Variants in IL22 observed in about 807,000 individuals in gnomAD.
IL22 encodes interleukin 22.
In IL22, 15 loss-of-function variants were observed where a neutral mutation model predicts 15.5. The ratio of observed to expected loss-of-function variants is 0.97; its 90% CI spans 0.65 to 1.49. IL22 has a LOEUF of 1.49. Ranked by LOEUF, IL22 falls within the 40% of genes most tolerant of loss-of-function variation. The pLI, the probability that IL22 is intolerant of heterozygous loss-of-function variation, is 0.00. For missense variants in IL22, 225 were observed against 215.4 expected, an observed-to-expected ratio of 1.04 and a Z score of -0.28; for synonymous variants, 91 against 82.0, an observed-to-expected ratio of 1.11 and a Z score of -0.60.
Position 68,252,736 on chromosome 12 carries a change from G to A in IL22, c.252+28C>T, listed in dbSNP as rs528641020. On this transcript the variant is annotated intron_variant, in intron 3 of 5. Transcript: ENST00000538666. ...CCCCAAGTACCCATGGACGGCACACGGCCCTGTTCGTCACAACTGTAGCTT... is the reference window on the plus strand; with the variant it reads ...CCCCAAGTACCCATGGACGGCACACAGCCCTGTTCGTCACAACTGTAGCTT... The A allele has an allele frequency of 8.7e-6, 14 of 1,611,698 alleles. No homozygotes were observed. In the East Asian group the frequency reaches 2.5e-4, roughly 28 times the overall value.
chr12:68,249,298 C>T (rs1186067920), intron 5 of IL22, among the ~76,000 whole-genome samples: 1 of 152,162 alleles, frequency 6.6e-6, no homozygotes, highest in Admixed American at 6.5e-5. Flanking sequence ...GCCCACAGGC[C>T]GCACATGGCC....
In IL22 at chr12:68,248,837, C is replaced by T. The variant is rs1869825380; in HGVS notation, c.502G>A (p.Asp168Asn). The change falls in exon 6 of 6, where the codon GAT (aspartate) becomes AAT (asparagine). Residue 168 changes from aspartate (D) to asparagine (N), a missense_variant. Transcript: ENST00000538666. ...SGEIKAIGEL[D>N]LLFMSLRNAC... ...TTTCTCAGAGACATAAACAGCAAAT[C>T]CAGTTCTCCAATTGCTTTGATCTCT... 1 of 1,613,222 alleles carries T rather than the reference C, an allele frequency of 6.2e-7. No homozygotes were observed.
Position 68,253,580 on chromosome 12 carries a change from T to G in IL22, c.-47+3A>C. 1.6e-6 allele frequency: 1 copy of G among 628,320 alleles called. No individual in the cohort carries two copies. The highest frequency in any genetic ancestry group is 2.7e-5 in the South Asian group (1 of 36,466). The allele number at this position is 628,320 out of a possible 1,614,324, so 38.9% of individuals were successfully genotyped here. On this transcript the variant is annotated splice_donor_region_variant and intron_variant, in intron 1 of 5. Transcript: ENST00000538666. ...ATTGTACCAAGTTTGCCGAAACGCT[T>G]ACCTGTTCTGAAGATTCTGCTTGTG...
At position 68,248,736 on chromosome 12, in the gene IL22, C is replaced by A; in HGVS notation, c.*63G>T. 7.5e-7 allele frequency: 1 copy of A among 1,328,350 alleles called. No individual in the cohort carries two copies. The highest frequency in any genetic ancestry group is 1.1e-6 in the Non-Finnish European group (1 of 936,400). 82.3% of individuals were successfully genotyped at this position (1,328,350 alleles called of 1,614,324 possible). ...TTGGTTAAAAAAAATCGCTTTGGGG[C>A]ATCTAATTGTTATTTCTAGCAGGGA... On this transcript the variant is annotated 3_prime_UTR_variant, in exon 6 of 6. Transcript: ENST00000538666.
rs2227494 is a variant in IL22 at position 68,251,405 on chromosome 12, A to G, written c.462+108T>C. ...ACACCAAAGTAATCGCCCTGGTGGT[A>G]GGAGAATCAAGTGAAAAATCACAAA... On this transcript the variant is annotated intron_variant, in intron 5 of 5. Coordinates refer to ENST00000538666, the MANE Select transcript of IL22 (RefSeq NM_020525.5). The G allele has an allele frequency of 5.5e-4, 444 of 802,742 alleles. 2 individuals are homozygous for G. The African/African-American group carries it at 7.1e-3, about 13-fold the overall frequency. 49.7% of individuals were successfully genotyped at this position (802,742 alleles called of 1,614,324 possible).
intron 2 of IL22, 60 bp downstream of exon 2, chr12:68,253,203 T>A (rs1870000984): frequency 3.5e-6 from 5 of 1,439,698 alleles, no homozygotes; most frequent in Non-Finnish European, 4.8e-6. Flanking sequence ...GAAGAAAAGT[T>A]TAAGAACTAT....
rs1869935282 is a variant in IL22, at chr12:68,251,626, T to C, written c.397-48A>G. ...ACTATCTTAATGTTGTGCTGAAACT[T>C]TATGAACCTCCACACCCATGGAGGT... On this transcript the variant is annotated intron_variant, in intron 4 of 5. Coordinates refer to ENST00000538666, the MANE Select transcript of IL22 (RefSeq NM_020525.5). The C allele has an allele frequency of 2.2e-6, 3 of 1,379,576 alleles. No homozygotes were observed. The East Asian group carries it at 6.9e-5, about 32-fold the overall frequency. 85.5% of individuals were successfully genotyped at this position (1,379,576 alleles called of 1,614,324 possible). A position where few individuals can be genotyped will look rare whatever the true frequency, so the allele number is the denominator to read the frequency against.
intron 1 of IL22, 25 bp from the exon 2 acceptor site, chr12:68,253,519 C>T: frequency 8.5e-7 from 1 of 1,182,726 alleles, no homozygotes; most frequent in Non-Finnish European, 1.2e-6. Flanking sequence ...CGTGAAGGAA[C>T]AAAATTAGTC....
chr12:68,250,225 C>T (rs1290577763), intron 5 of IL22, among the ~76,000 whole-genome samples: 1 of 152,186 alleles, frequency 6.6e-6, no homozygotes, highest in Non-Finnish European at 1.5e-5. Flanking sequence ...CACAGATCAC[C>T]ATGAGATTCT....
intron 4 of IL22, among the ~76,000 whole-genome samples, chr12:68,251,872 C>A (rs1869944067): frequency 6.6e-6 from 1 of 152,114 alleles, no homozygotes; most frequent in Non-Finnish European, 1.5e-5. Flanking sequence ...AGGAATAAAA[C>A]CTCAATCGTA....
chr12:68,251,680 CTT>C, intron 4 of IL22, 102 bp from the exon 5 acceptor site: 5 of 894,996 alleles, frequency 5.6e-6, no homozygotes, highest in Non-Finnish European at 9.0e-6. Flanking sequence ...AATTAAAGCT[CTT>C]AGTAATTTTG....
intron 1 of IL22, 25 bp downstream of exon 1, chr12:68,253,558 G>T (rs1426835224): frequency 1.3e-5 from 11 of 841,422 alleles, no homozygotes; most frequent in Non-Finnish European, 1.9e-5. Context: ...CTAACCAATT[G>T]TACCAAGTTT....
rs1163568164 is a variant in IL22, at chr12:68,248,253, A to G, written c.*546T>C. 6.6e-6 allele frequency: 1 copy of G among 152,332 alleles called. No individual in the cohort carries two copies. Among genetic ancestry groups the G allele is most frequent in the Non-Finnish European group, 1.5e-5 (1 of 68,036 alleles). The allele number at this position is 152,332 out of a possible 1,614,324, so 9.4% of individuals were successfully genotyped here. ...CAAAACGACAAGACTTAGGATATCC[A>G]AGTGTTTATTGAGGTCAAATAAACA... On this transcript the variant is annotated 3_prime_UTR_variant, in exon 6 of 6. Transcript: ENST00000538666.
At chr12:68,248,957 G>A (rs1331924530) in intron 5 of IL22, 81 bp from the exon 6 acceptor site, 2 of 1,088,098 alleles carry the variant, frequency 1.8e-6, no homozygotes, top group Non-Finnish European at 2.8e-6. Flanking sequence ...TGCAAGATTA[G>A]GTTGATGGAG....
chr12:68,248,811 A>T lies in IL22; in HGVS notation c.528T>A (p.Asn176Lys), dbSNP rs1359851042. 6.2e-7 allele frequency: 1 copy of T among 1,612,164 alleles called. No individual in the cohort carries two copies. Among genetic ancestry groups the T allele is most frequent in the Non-Finnish European group, 8.5e-7 (1 of 1,178,776 alleles). The change falls in exon 6 of 6, where the codon AAT becomes AAA. Residue 176 changes from asparagine to lysine, a missense_variant. Physicochemically the swap from Asn to Lys is moderately conservative, Grantham distance 94 (BLOSUM62 0). Transcript: ENST00000538666. ...ELDLLFMSLR[N>K]ACI ...AGCTTTGCTCTGGTCAAATGCAGGCATTTCTCAGAGACATAAACAGCAAAT... is the reference window on the plus strand; with the variant it reads ...AGCTTTGCTCTGGTCAAATGCAGGCTTTTCTCAGAGACATAAACAGCAAAT...
At chr12:68,253,134 GAAAATTT>G in intron 2 of IL22, 122 bp downstream of exon 2, 4 of 756,404 alleles carry the variant, frequency 5.3e-6, no homozygotes, top group East Asian at 6.1e-5. Flanking sequence ...TGAAAAAACA[GAAAATTT>G]ATCTACCCTC....
rs780439604 is a variant in IL22, at chr12:68,252,602, G to C, written c.298C>G (p.Leu100Val). The C allele has an allele frequency of 1.9e-6, 3 of 1,613,906 alleles. No individual in the cohort carries two copies. Among genetic ancestry groups the C allele is most frequent in the Non-Finnish European group, 2.5e-6 (3 of 1,179,938 alleles). ...YLMKQVLNFT[L>V]EEVLFPQSDR... The stretch of plus-strand genomic sequence containing the variant: ...GATTGAGGGAACAGCACTTCTTCAA[G>C]GGTGAAGTTCAGCACCTGCTTCATC... Residue 100 changes from leucine (L) to valine (V), a missense_variant, in exon 4 of 6, where the codon CTT (leucine) becomes GTT (valine). Coordinates refer to ENST00000538666, the MANE Select transcript of IL22 (RefSeq NM_020525.5).
rs776657419 is a variant in IL22 at position 68,250,806 on chromosome 12, A to C, written c.462+707T>G. On this transcript the variant is annotated intron_variant, in intron 5 of 5. Coordinates refer to ENST00000538666, the MANE Select transcript of IL22 (RefSeq NM_020525.5). ...GTCTTGATGGGAGAGAGGAAGAAAA[A>C]AAAGCTTACCAATTCAGACTTCCAT... Among the ~76,000 whole-genome samples, 50 of 152,310 alleles carry C rather than the reference A, an allele frequency of 3.3e-4. No individual in the cohort carries two copies. The Middle Eastern group carries it at 0.01, about 31-fold the overall frequency.
intron 5 of IL22, among the ~76,000 whole-genome samples, chr12:68,251,030 T>C (rs1869911658): frequency 6.6e-6 from 1 of 152,220 alleles, no homozygotes; most frequent in Admixed American, 6.5e-5. Flanking sequence ...AGTTTATTCT[T>C]CCAAGTTTCA....
Sources: allele counts gnomAD v4.1 joint callset (sites outside exome capture counted in the v4.1 genomes callset), GRCh38; gene constraint gnomAD v4.1.1; transcripts MANE v1.5; gene names NCBI Gene and HGNC (gene_info 2026-07-23, HGNC 2026-07-21).